The following COL6A5 variants were observed in gnomAD, a reference collection of about 807,000 sequenced individuals.
The protein encoded by COL6A5 is collagen type VI alpha 5 chain, also known as collagen alpha-5(VI) chain.
COL6A5 carries 48 observed loss-of-function variants against 65.6 expected under a neutral mutation model. The observed-to-expected ratio is 0.73, with a 90% CI of 0.58 to 0.93. COL6A5 has a LOEUF of 0.93. Among genes scored for constraint, COL6A5 ranks in the 40% least tolerant of loss-of-function variants. The pLI, the probability that COL6A5 is intolerant of heterozygous loss-of-function variation, is 0.00. For missense variants in COL6A5, 914 were observed against 928.3 expected (o/e 0.98, Z 0.20); for synonymous variants, 291 against 322.8 (o/e 0.90, Z 1.05).
At chr3:130,431,489 A>G (rs1265142475) in exon 1 of COL6A5, 5 of 1,551,160 alleles carry the variant, frequency 3.2e-6, no homozygotes, top group African/African-American at 2.7e-5. Context: ...TATCCAACAG[A>G]GCTAGTATTT....
At chr3:130,433,371 A>G (rs982231941) in intron 1 of COL6A5, among the ~76,000 whole-genome samples, 1 of 152,188 alleles carries the variant, frequency 6.6e-6, no homozygotes, top group African/African-American at 2.4e-5. Flanking sequence ...ATCCCCAATG[A>G]GAAAGAGTCT....
At chr3:130,407,484 G>T (rs1937032579) in intron 17 of COL6A5, among the ~76,000 whole-genome samples, 1 of 152,222 alleles carries the variant, frequency 6.6e-6, no homozygotes. Flanking sequence ...AAGATGAGAG[G>T]CAGATCTGTA....
chr3:130,400,615 G>A (rs1292745707), intron 10 of COL6A5, among the ~76,000 whole-genome samples: 1 of 152,120 alleles, frequency 6.6e-6, no homozygotes, highest in Non-Finnish European at 1.5e-5. Context: ...GGAATAACTT[G>A]AGAATTATCA....
chr3:130,436,385 C>T (rs1203039396), intron 1 of COL6A5, among the ~76,000 whole-genome samples: 1 of 151,910 alleles, frequency 6.6e-6, no homozygotes, highest in African/African-American at 2.4e-5. Context: ...AGAAATAAAA[C>T]AACTTTCTGA....
At chr3:130,351,714 G>A (rs1934715305) in intron 1 of COL6A5, among the ~76,000 whole-genome samples, 1 of 152,182 alleles carries the variant, frequency 6.6e-6, no homozygotes, top group South Asian at 2.1e-4. Flanking sequence ...TGGTCAGAGT[G>A]TTTATTAGTT....
chr3:130,360,172 A>C (rs750494094), intron 1 of COL6A5, among the ~76,000 whole-genome samples: 1 of 152,158 alleles, frequency 6.6e-6, no homozygotes, highest in Non-Finnish European at 1.5e-5. Context: ...TGCTCTTCCT[A>C]GACATCAACT....
At chr3:130,355,102 C>T (rs1174319064) in intron 1 of COL6A5, among the ~76,000 whole-genome samples, 1 of 151,850 alleles carries the variant, frequency 6.6e-6, no homozygotes, top group Non-Finnish European at 1.5e-5. Flanking sequence ...ATTACATACA[C>T]AGTTTGCATT....
chr3:130,389,230 G>A (rs959253332), intron 6 of COL6A5, 96 bp downstream of exon 6: 2 of 725,988 alleles, frequency 2.8e-6, no homozygotes, highest in African/African-American at 3.6e-5. Flanking sequence ...ACCTCCACCT[G>A]GACTTCAGTG....
At chr3:130,396,950 C>T (rs1464336585) in intron 8 of COL6A5, among the ~76,000 whole-genome samples, 1 of 152,170 alleles carries the variant, frequency 6.6e-6, no homozygotes, top group African/African-American at 2.4e-5. Context: ...GCAAGCTCTG[C>T]CTCCCGGGTT....
intron 1 of COL6A5, among the ~76,000 whole-genome samples, chr3:130,365,237 G>A (rs1935289606): frequency 6.6e-6 from 1 of 152,090 alleles, no homozygotes; most frequent in Non-Finnish European, 1.5e-5. Context: ...ATGAACGTTG[G>A]GCAGACAAAA....
At chr3:130,357,128 A>G (rs1934951923) in intron 1 of COL6A5, among the ~76,000 whole-genome samples, 1 of 152,218 alleles carries the variant, frequency 6.6e-6, no homozygotes, top group Non-Finnish European at 1.5e-5. Flanking sequence ...AAACAAATGT[A>G]TTCTCTATGA....
At chr3:130,422,585 C>T (rs1937536641) in intron 27 of COL6A5, 135 bp from the exon 28 acceptor site, 2 of 561,850 alleles carry the variant, frequency 3.6e-6, no homozygotes, top group Non-Finnish European at 6.2e-6. Flanking sequence ...GAAAAGATGA[C>T]ATTTAATGTT....
At chr3:130,359,509 G>A (rs1374202522) in intron 1 of COL6A5, among the ~76,000 whole-genome samples, 1 of 151,842 alleles carries the variant, frequency 6.6e-6, no homozygotes, top group Non-Finnish European at 1.5e-5. Context: ...ATTAAATTTT[G>A]CCTAAAACAG....
chr3:130,462,573 G>T (rs1463088464), intron 5 of COL6A5, among the ~76,000 whole-genome samples: 2 of 152,074 alleles, frequency 1.3e-5, no homozygotes, highest in Non-Finnish European at 2.9e-5. Flanking sequence ...TTGTAAGATT[G>T]TAGTATATTG....
intron 2 of COL6A5, among the ~76,000 whole-genome samples, chr3:130,375,970 A>G (rs144756934): frequency 1.1e-4 from 17 of 152,304 alleles, no homozygotes; most frequent in Non-Finnish European, 1.6e-4. Flanking sequence ...CTGAGTTGGT[A>G]CAATATCAGA....
At chr3:130,421,350 C>G in exon 27 of COL6A5, 1 of 1,550,578 alleles carries the variant, frequency 6.4e-7, no homozygotes, top group South Asian at 1.2e-5. Context: ...CCTGGAGATG[C>G]GGGGCAGAAG....
chr3:130,407,669 G>A (rs1937038421), intron 17 of COL6A5, among the ~76,000 whole-genome samples: 1 of 152,212 alleles, frequency 6.6e-6, no homozygotes, highest in African/African-American at 2.4e-5. Flanking sequence ...TGCACCTTAG[G>A]TGCCTCTCTC....
At chr3:130,353,747 GA>G (rs1193146313) in intron 1 of COL6A5, among the ~76,000 whole-genome samples, 1 of 151,536 alleles carries the variant, frequency 6.6e-6, no homozygotes, top group East Asian at 1.9e-4. Flanking sequence ...AAAAGGAACT[GA>G]AAATAAATAT....
At chr3:130,363,559 G>C (rs1316547060) in intron 1 of COL6A5, among the ~76,000 whole-genome samples, 3 of 152,186 alleles carry the variant, frequency 2.0e-5, no homozygotes, top group Non-Finnish European at 2.9e-5. Context: ...ACCCCAGCAG[G>C]TTGAGTTCTG....
Sources: gnomAD v4.1 joint callset for allele counts (sites outside exome capture counted in the v4.1 genomes callset) on GRCh38, gnomAD v4.1.1 for gene constraint, MANE v1.5 for transcripts, NCBI Gene and HGNC (gene_info 2026-07-23, HGNC 2026-07-21) for gene names.